CRAMP1: variants seen among roughly 807,000 people sequenced by gnomAD.
CRAMP1 encodes the protein cramped chromatin regulator 1.
In CRAMP1, 50 loss-of-function variants were observed where a neutral mutation model predicts 115.4. That is an observed-to-expected ratio of 0.43 (90% CI 0.35 to 0.55). The LOEUF (loss-of-function observed/expected upper bound fraction) is 0.55, where lower values mean the gene tolerates loss of function less well. Among genes scored for constraint, CRAMP1 ranks in the 20% least tolerant of loss-of-function variants. CRAMP1 has a pLI of 0.01. For missense variants in CRAMP1, 1,679 were observed against 1,721.7 expected (o/e 0.98, Z 0.44); for synonymous variants, 866 against 745.4 (o/e 1.16, Z -2.64).
intron 13 of CRAMP1, among the ~76,000 whole-genome samples, chr16:1,663,542 C>T (rs1233942112): frequency 1.3e-5 from 2 of 152,230 alleles, no homozygotes; most frequent in Non-Finnish European, 2.9e-5. Context: ...CCAGGGACCA[C>T]TTCCAGCCTG....
At position 1,642,542 on chromosome 16, in the gene CRAMP1, G is replaced by T. The variant is rs140372429; in HGVS notation, c.827+1355G>T. On this transcript the variant is annotated intron_variant, in intron 6 of 20. Transcript: ENST00000397412. ...AGGGTGTTCACCGCCTTGCCCAGGC[G>T]CCCCTCCCAGCTTCAGAGCCCTGCT... 4.9e-4 allele frequency among the ~76,000 whole-genome samples: 75 copies of T among 152,260 alleles called. No homozygotes were observed. In the East Asian group the frequency reaches 0.011, roughly 22 times the overall value.
In CRAMP1 at chr16:1,671,062, C is replaced by G. The variant is rs2036918390; in HGVS notation, c.3645+253C>G. Among the ~76,000 whole-genome samples the G allele has an allele frequency of 6.6e-6, 1 of 152,186 alleles. No homozygotes were observed. Among genetic ancestry groups the G allele is most frequent in the Non-Finnish European group, 1.5e-5 (1 of 68,030 alleles). On this transcript the variant is annotated intron_variant, in intron 20 of 20. Transcript: ENST00000397412. The surrounding 1 kb of genome is among the most constrained non-coding windows in gnomAD (Gnocchi z 5.0). ...GCTCTGCAGGCCTCTGAACTGGAAA[C>G]CCTGGTCTGGGGCGCAGAGCAGGGT...
chr16:1,655,606 T>C (rs777956634), intron 9 of CRAMP1, among the ~76,000 whole-genome samples: 1 of 152,126 alleles, frequency 6.6e-6, no homozygotes, highest in Non-Finnish European at 1.5e-5. Context: ...CGACCAAGGG[T>C]CAGCCCAGCC....
intron 3 of CRAMP1, among the ~76,000 whole-genome samples, chr16:1,627,615 A>G (rs1274552989): frequency 6.6e-6 from 1 of 152,212 alleles, no homozygotes; most frequent in Non-Finnish European, 1.5e-5. Context: ...GCTGCAGGTT[A>G]GGTTCTGCCC....
chr16:1,640,504 A>G (rs549023010), intron 5 of CRAMP1, among the ~76,000 whole-genome samples: 1 of 152,322 alleles, frequency 6.6e-6, no homozygotes, highest in East Asian at 1.9e-4. Flanking sequence ...AGAAGAATTC[A>G]AAGAATTTTA....
At chr16:1,651,815 CAGAA>C (rs765229621) in intron 6 of CRAMP1, among the ~76,000 whole-genome samples, 35 of 145,108 alleles carry the variant, frequency 2.4e-4, no homozygotes, top group African/African-American at 4.9e-4. Flanking sequence ...ACAGAGGTCA[CAGAA>C]AGGTGGATTG....
intron 6 of CRAMP1, among the ~76,000 whole-genome samples, chr16:1,642,406 G>C (rs994214859): frequency 6.6e-6 from 1 of 152,208 alleles, no homozygotes; most frequent in South Asian, 2.1e-4. Flanking sequence ...TGCAGCCAAC[G>C]ACTGTAACTG....
In CRAMP1 at chr16:1,624,605, A is replaced by T. The variant is rs534158570; in HGVS notation, c.347-1368A>T. On this transcript the variant is annotated intron_variant, in intron 2 of 20. Transcript: ENST00000397412. The stretch of plus-strand genomic sequence containing the variant: ...GGCTAATTTTTTCTTTTTTAGACGC[A>T]GTCTTGCTCTGTAGCCAGGCTGGAG... Among the ~76,000 whole-genome samples, 3 of 148,046 alleles carry T rather than the reference A, an allele frequency of 2.0e-5. No individual in the cohort carries two copies. The East Asian group carries it at 6.1e-4, about 30-fold the overall frequency.
In CRAMP1 at chr16:1,656,940, G is replaced by A. The variant is rs1250904876; in HGVS notation, c.2183G>A (p.Arg728His). The change falls in exon 10 of 21, where the codon CGC becomes CAC. Residue 728 changes from arginine (R) to histidine (H), a missense_variant. Arg to His is a conservative substitution (Grantham distance 29). Transcript: ENST00000397412. The surrounding 1 kb of genome is among the most constrained non-coding windows in gnomAD (Gnocchi z 5.6). Reference sequence around the variant, plus strand: ...CTACCCACCGCCCTCCACAAGCAGCGCCTCCTCAGCTGCCTCCTGAAGCTC... The same window carrying A: ...CTACCCACCGCCCTCCACAAGCAGCACCTCCTCAGCTGCCTCCTGAAGCTC... The part of the protein sequence containing the change: ...GSLPTALHKQ[R>H]LLSCLLKLIS... The A allele has an allele frequency of 2.2e-5, 35 of 1,559,416 alleles. No individual in the cohort carries two copies. The highest frequency in any genetic ancestry group is 2.7e-5 in the Non-Finnish European group (31 of 1,151,570).
Position 1,653,052 on chromosome 16 carries a change from C to T in CRAMP1, c.933C>T (p.Asp311=), listed in dbSNP as rs1201297575. 3.1e-6 allele frequency: 5 copies of T among 1,612,112 alleles called. No individual in the cohort carries two copies. Among genetic ancestry groups the T allele is most frequent in the Non-Finnish European group, 4.2e-6 (5 of 1,179,290 alleles). ...CDPDGLSDEE[D]QKPVRLPLKV... ...TTGCAGGCTTGAGTGATGAAGAGGACCAGAAGCCAGTGCGCCTGCCTCTGA... is the reference window on the plus strand; with the variant it reads ...TTGCAGGCTTGAGTGATGAAGAGGATCAGAAGCCAGTGCGCCTGCCTCTGA... The change falls in exon 8 of 21, where the codon GAC becomes GAT. Residue 311 remains aspartate, a synonymous_variant. Transcript: ENST00000397412.
intron 20 of CRAMP1, among the ~76,000 whole-genome samples, chr16:1,673,659 T>G (rs1439145340): frequency 1.3e-5 from 2 of 152,244 alleles, no homozygotes; most frequent in African/African-American, 4.8e-5. Context: ...AGCCATCAGA[T>G]GTGCCAGGCA....
Position 1,656,695 on chromosome 16 carries a change from C to G in CRAMP1, c.1938C>G (p.Pro646=), listed in dbSNP as rs752224490. ...PAEELQEKGS[P]AGPPPSQGQP... ...AGGAGCTCCAGGAGAAGGGGAGCCC[C>G]GCGGGGCCTCCGCCGTCTCAGGGAC... The change falls in exon 10 of 21, where the codon CCC becomes CCG. Residue 646 remains proline (P), a synonymous_variant. Coordinates refer to ENST00000397412, the MANE Select transcript of CRAMP1 (RefSeq NM_020825.4). The surrounding 1 kb of genome is among the most constrained non-coding windows in gnomAD (Gnocchi z 5.6). 1.3e-5 allele frequency: 20 copies of G among 1,560,904 alleles called. No homozygotes were observed. Among genetic ancestry groups the G allele is most frequent in the Non-Finnish European group, 1.6e-5 (18 of 1,153,578 alleles).
chr16:1,625,928 G>A (rs1013727744), intron 2 of CRAMP1, 45 bp from the exon 3 acceptor site: 22 of 1,543,426 alleles, frequency 1.4e-5, no homozygotes, highest in Admixed American at 4.0e-5. Flanking sequence ...TGCCCAGCCC[G>A]CCAGCTTTCT....
chr16:1,648,318 ATTGAC>A (rs1156475630), intron 6 of CRAMP1, among the ~76,000 whole-genome samples: 1 of 152,130 alleles, frequency 6.6e-6, no homozygotes, highest in African/African-American at 2.4e-5. Context: ...TTATTTTAGA[ATTGAC>A]TTGAGCCGGG....
At position 1,652,601 on chromosome 16, in the gene CRAMP1, C is replaced by G; in HGVS notation, c.913+20C>G. ...CAGATGGTAAGTGAATGGGGCGCTC[C>G]CGGGACCAGAGGCGGTGCCCATGGT... On this transcript the variant is annotated intron_variant, in intron 7 of 20. Transcript: ENST00000397412. The G allele has an allele frequency of 6.5e-7, 1 of 1,548,932 alleles. No individual in the cohort carries two copies. Among genetic ancestry groups the G allele is most frequent in the Non-Finnish European group, 8.7e-7 (1 of 1,144,592 alleles).
Position 1,641,131 on chromosome 16 carries a change from AT to A in CRAMP1, c.779-5del, listed in dbSNP as rs1364511759. ...GTGGTCTCATTTATTTATTTTTTCC[AT>A]TTAAAGGTATGGATGACAAGAATGC... is the stretch of plus-strand genomic sequence containing the variant. On this transcript the variant is annotated splice_region_variant and splice_polypyrimidine_tract_variant and intron_variant, in intron 5 of 20. Coordinates refer to ENST00000397412, the MANE Select transcript of CRAMP1 (RefSeq NM_020825.4). The A allele has an allele frequency of 1.2e-6, 2 of 1,604,446 alleles. No individual in the cohort carries two copies. The highest frequency in any genetic ancestry group is 4.5e-5 in the East Asian group (2 of 44,790).
At chr16:1,644,928 C>T (rs945904562) in intron 6 of CRAMP1, among the ~76,000 whole-genome samples, 4 of 152,054 alleles carry the variant, frequency 2.6e-5, no homozygotes, top group African/African-American at 9.7e-5. Flanking sequence ...TCTCAAACTC[C>T]TGGGCTCAAG....
chr16:1,614,297 G>A lies in CRAMP1; in HGVS notation c.-1-342G>A, dbSNP rs1259159341. ...CGTGCCCAGACCCGCGCCCGCGCCG[G>A]GGCTCCCATAGACCCCGGGGCCGGG... On this transcript the variant is annotated intron_variant, in intron 1 of 20. Coordinates refer to ENST00000397412, the MANE Select transcript of CRAMP1 (RefSeq NM_020825.4). This position sits in a 1 kb window ranked among gnomAD's most constrained non-coding sequence, Gnocchi z 4.4. 6.8e-6 allele frequency among the ~76,000 whole-genome samples: 1 copy of A among 146,444 alleles called. No homozygotes were observed. Among genetic ancestry groups the A allele is most frequent in the Non-Finnish European group, 1.5e-5 (1 of 65,786 alleles).
chr16:1,618,964 A>C (rs1288292976), intron 2 of CRAMP1, among the ~76,000 whole-genome samples: 1 of 152,250 alleles, frequency 6.6e-6, no homozygotes. Flanking sequence ...TACTTTTGGT[A>C]TTAAAACTAG....
Sources: gnomAD v4.1 joint callset for allele counts (sites outside exome capture counted in the v4.1 genomes callset) on GRCh38, gnomAD v4.1.1 for gene constraint, Gnocchi (gnomAD v3.1) non-coding constraint, MANE v1.5 for transcripts, NCBI Gene and HGNC (gene_info 2026-07-23, HGNC 2026-07-21) for gene names.